GNA13: variants seen among roughly 807,000 people sequenced by gnomAD.
GNA13 encodes G protein subunit alpha 13, also known as guanine nucleotide-binding protein subunit alpha-13.
In GNA13, 4 loss-of-function variants were observed where a neutral mutation model predicts 33.5. The ratio of observed to expected loss-of-function variants is 0.12; its 90% CI spans 0.06 to 0.27. The LOEUF (loss-of-function observed/expected upper bound fraction) is 0.27. Among genes scored for constraint, GNA13 ranks in the 10% least tolerant of loss-of-function variants. The probability of loss-of-function intolerance (pLI) is 1.00; values close to 1 mark genes in which losing one functional copy is unlikely to be tolerated. For synonymous variants in GNA13, 176 were observed against 183.8 expected (o/e 0.96, Z 0.34); for missense variants, 319 against 487.2 (o/e 0.65, Z 3.25).
chr17:65,054,707 CACTT>C (rs765465065), intron 1 of GNA13, among the ~76,000 whole-genome samples: 12 of 152,178 alleles, frequency 7.9e-5, no homozygotes, highest in Non-Finnish European at 1.6e-4. Flanking sequence ...ACGTAGATCA[CACTT>C]ACAACTCAGT....
chr17:65,017,431 G>A (rs1213915036), intron 3 of GNA13, among the ~76,000 whole-genome samples: 1 of 152,148 alleles, frequency 6.6e-6, no homozygotes, highest in East Asian at 1.9e-4. Context: ...CTTATGAGGA[G>A]GCAAATGAAG....
chr17:65,048,892 T>C (rs1384579280), intron 2 of GNA13, among the ~76,000 whole-genome samples: 1 of 152,202 alleles, frequency 6.6e-6, no homozygotes, highest in Non-Finnish European at 1.5e-5. Context: ...ATTTTAGTTA[T>C]TTTATCTGCT....
chr17:65,021,092 G>A (rs1906565860), intron 2 of GNA13, among the ~76,000 whole-genome samples: 1 of 152,162 alleles, frequency 6.6e-6, no homozygotes. Context: ...CTGTAGTAAG[G>A]CTGAAGAGTA....
At chr17:65,047,656 TGATTC>T (rs1477434162) in intron 2 of GNA13, among the ~76,000 whole-genome samples, 2 of 87,560 alleles carry the variant, frequency 2.3e-5, no homozygotes, top group African/African-American at 5.8e-5. Context: ...TAAATGACTC[TGATTC>T]TTTTTTTTTT....
intron 3 of GNA13, among the ~76,000 whole-genome samples, 162 bp downstream of exon 3, chr17:65,018,091 C>T (rs1906436471): frequency 4.4e-5 from 2 of 45,572 alleles, no homozygotes; most frequent in Admixed American, 3.2e-4. Context: ...AACGCCACCA[C>T]TAAAAAAAAA....
chr17:65,026,454 C>T lies in GNA13; in HGVS notation c.511-8151G>A, dbSNP rs562440893. On this transcript the variant is annotated intron_variant, in intron 2 of 3. Coordinates refer to ENST00000439174, the MANE Select transcript of GNA13 (RefSeq NM_006572.6). ...TAAGACTTTCCATTAAAAACAAAAA[C>T]AAAACAGTACTCATTTTCACAAATC... Among the ~76,000 whole-genome samples, 5 of 152,224 alleles carry T rather than the reference C, an allele frequency of 3.3e-5. No individual in the cohort carries two copies. The South Asian group carries it at 6.2e-4, about 19-fold the overall frequency.
At chr17:65,017,570 T>C (rs1194644753) in intron 3 of GNA13, among the ~76,000 whole-genome samples, 10 of 152,206 alleles carry the variant, frequency 6.6e-5, no homozygotes, top group African/African-American at 9.6e-5. Context: ...ACAAGCGAGA[T>C]GCTCTGCCTG....
chr17:65,054,368 C>G (rs1288713481), intron 1 of GNA13, among the ~76,000 whole-genome samples: 1 of 152,192 alleles, frequency 6.6e-6, no homozygotes, highest in African/African-American at 2.4e-5. Context: ...TTAGTTGAAA[C>G]TCATTTTTCC....
At chr17:65,040,322 T>C (rs946985732) in intron 2 of GNA13, among the ~76,000 whole-genome samples, 3 of 152,214 alleles carry the variant, frequency 2.0e-5, no homozygotes, top group Non-Finnish European at 4.4e-5. Flanking sequence ...CAGTTTAAAG[T>C]CCCTACCATG....
Position 65,056,607 on chromosome 17 carries a change from C to T in GNA13, c.-14G>A. The T allele has an allele frequency of 6.3e-7, 1 of 1,597,732 alleles. No homozygotes were observed. The highest frequency in any genetic ancestry group is 1.3e-5 in the African/African-American group (1 of 74,812). On this transcript the variant is annotated 5_prime_UTR_variant, in exon 1 of 4. Transcript: ENST00000439174. ...GAAGTCCGCCATCTTGCCGCCGCCG[C>T]CGCCGCCTCGGCGGGCCCCTCCGGC...
chr17:65,028,268 A>T (rs1906872530), intron 2 of GNA13, among the ~76,000 whole-genome samples: 1 of 151,930 alleles, frequency 6.6e-6, no homozygotes, highest in Non-Finnish European at 1.5e-5. Context: ...AGGCGGGCAT[A>T]GTGATGGGCT....
At chr17:65,042,268 G>T (rs1189504109) in intron 2 of GNA13, among the ~76,000 whole-genome samples, 3 of 150,066 alleles carry the variant, frequency 2.0e-5, no homozygotes, top group Non-Finnish European at 3.0e-5. Flanking sequence ...TGAGGCAGGA[G>T]AATTGCTTGA....
intron 2 of GNA13, among the ~76,000 whole-genome samples, chr17:65,045,610 C>A (rs1269440933): frequency 6.6e-6 from 1 of 150,894 alleles, no homozygotes. Flanking sequence ...TCAAACTGAA[C>A]CTTTACCAAG....
In GNA13 at chr17:65,014,211, A is replaced by G. The variant is rs781614542; in HGVS notation, c.*46T>C. 2.0e-5 allele frequency: 22 copies of G among 1,126,868 alleles called. No homozygotes were observed. The African/African-American group carries it at 3.4e-4, about 18-fold the overall frequency. The allele number at this position is 1,126,868 out of a possible 1,614,324, so 69.8% of individuals were successfully genotyped here. A position where few individuals can be genotyped will look rare whatever the true frequency, so the allele number is the denominator to read the frequency against. On this transcript the variant is annotated 3_prime_UTR_variant, in exon 4 of 4. Transcript: ENST00000439174. This position sits in a 1 kb window ranked among gnomAD's most constrained non-coding sequence, Gnocchi z 5.3. Reference sequence around the variant, plus strand: ...TTTTAAAAAACAAAACAAACAGAAAACATCAAAAACACAAAAAGATATTAA... The same window carrying G: ...TTTTAAAAAACAAAACAAACAGAAAGCATCAAAAACACAAAAAGATATTAA...
In GNA13 at chr17:65,046,956, A is replaced by G. The variant is rs185020735; in HGVS notation, c.510+6546T>C. ...CAGCCAGTCAAGTTTTCACCCAAAA[A>G]AATGCGAACATGAAAATTTCAACAT... On this transcript the variant is annotated intron_variant, in intron 2 of 3. Transcript: ENST00000439174. 2.0e-5 allele frequency among the ~76,000 whole-genome samples: 3 copies of G among 152,352 alleles called. No individual in the cohort carries two copies. The East Asian group carries it at 5.8e-4, about 29-fold the overall frequency.
intron 2 of GNA13, among the ~76,000 whole-genome samples, chr17:65,031,284 A>G (rs956458532): frequency 2.0e-5 from 3 of 152,344 alleles, no homozygotes; most frequent in Non-Finnish European, 2.9e-5. Context: ...ATATACTACA[A>G]AAGATTTTAA....
intron 2 of GNA13, among the ~76,000 whole-genome samples, chr17:65,031,445 C>T (rs1907005830): frequency 6.6e-6 from 1 of 152,190 alleles, no homozygotes; most frequent in South Asian, 2.1e-4. Context: ...AAATGGTTTA[C>T]ACACTTCCCA....
intron 1 of GNA13, chr17:65,055,470 G>T: frequency 3.7e-6 from 1 of 268,796 alleles, no homozygotes; most frequent in Non-Finnish European, 5.7e-6. Context: ...TTTTAGGCCA[G>T]TCTTCTTACT....
intron 2 of GNA13, among the ~76,000 whole-genome samples, chr17:65,039,784 TACTTTC>T (rs1209343167): frequency 6.6e-6 from 1 of 152,230 alleles, no homozygotes; most frequent in Non-Finnish European, 1.5e-5. Context: ...ACGCAGAGAT[TACTTTC>T]ACTTGGTTCA....
Sources: allele counts gnomAD v4.1 joint callset (sites outside exome capture counted in the v4.1 genomes callset), GRCh38; gene constraint gnomAD v4.1.1; non-coding constraint Gnocchi (gnomAD v3.1); transcripts MANE v1.5; gene names NCBI Gene and HGNC (gene_info 2026-07-23, HGNC 2026-07-21).